The following SYT1 variants were observed in gnomAD, a reference collection of about 807,000 sequenced individuals.
The protein encoded by SYT1 is synaptotagmin-1.
In SYT1, 8 loss-of-function variants were observed where a neutral mutation model predicts 44.8. The observed-to-expected ratio is 0.18, with a 90% CI of 0.10 to 0.32. The LOEUF is 0.32. Among genes scored for constraint, SYT1 ranks in the 10% least tolerant of loss-of-function variants. The probability of loss-of-function intolerance (pLI) is 1.00; values close to 1 mark genes in which losing one functional copy is unlikely to be tolerated. For synonymous variants in SYT1, 154 were observed against 188.8 expected, an observed-to-expected ratio of 0.82 and a Z score of 1.51; for missense variants, 286 against 509.3, an observed-to-expected ratio of 0.56 and a Z score of 4.22.
chr12:79,356,640 G>C (rs1883124209), intron 9 of SYT1, among the ~76,000 whole-genome samples: 1 of 152,178 alleles, frequency 6.6e-6, no homozygotes, highest in Admixed American at 6.5e-5. Context: ...GAAATGACTA[G>C]TTAATTGGAA....
At chr12:78,931,745 G>T (rs919143494) in intron 1 of SYT1, among the ~76,000 whole-genome samples, 13 of 152,182 alleles carry the variant, frequency 8.5e-5, no homozygotes, top group African/African-American at 2.9e-4. Context: ...CAATAGAGAT[G>T]AGCCAATTTA....
intron 9 of SYT1, among the ~76,000 whole-genome samples, chr12:79,370,488 C>G (rs1378242172): frequency 6.6e-6 from 1 of 152,048 alleles, no homozygotes; most frequent in Non-Finnish European, 1.5e-5. Flanking sequence ...TAGGGCCGGG[C>G]GCGGTGGCTC....
intron 3 of SYT1, among the ~76,000 whole-genome samples, chr12:79,131,009 A>AT (rs1420956770): frequency 6.6e-6 from 1 of 151,906 alleles, no homozygotes; most frequent in Non-Finnish European, 1.5e-5. Context: ...CATTACAACC[A>AT]TTTTTTGAGT....
At chr12:79,302,236 T>C (rs1880186158) in intron 8 of SYT1, among the ~76,000 whole-genome samples, 1 of 152,128 alleles carries the variant, frequency 6.6e-6, no homozygotes, top group African/African-American at 2.4e-5. Context: ...ATGAAAGATA[T>C]CAAAGAAAGT....
At chr12:79,045,470 CT>C (rs1488996601) in intron 2 of SYT1, 2 of 155,268 alleles carry the variant, frequency 1.3e-5, no homozygotes, top group Non-Finnish European at 2.8e-5. Context: ...TGCCTCGCCC[CT>C]GTTTCGGCTC....
intron 2 of SYT1, among the ~76,000 whole-genome samples, chr12:78,997,193 T>G (rs1870436460): frequency 6.6e-6 from 1 of 152,184 alleles, no homozygotes; most frequent in East Asian, 1.9e-4. Flanking sequence ...TATGAACTAG[T>G]GAATTAGCAA....
intron 8 of SYT1, among the ~76,000 whole-genome samples, chr12:79,308,581 GGA>G (rs1880556548): frequency 1.7e-5 from 2 of 120,066 alleles, no homozygotes; most frequent in Non-Finnish European, 3.5e-5. Context: ...AAGAAAAGAA[GGA>G]AAAGAAAGAA....
intron 8 of SYT1, among the ~76,000 whole-genome samples, chr12:79,333,596 CT>C (rs1881956936): frequency 6.6e-6 from 1 of 151,988 alleles, no homozygotes; most frequent in African/African-American, 2.4e-5. Flanking sequence ...TTTTTTGCAT[CT>C]TTACAAGATT....
intron 1 of SYT1, among the ~76,000 whole-genome samples, chr12:78,945,405 T>C (rs1878598446): frequency 6.6e-6 from 1 of 151,526 alleles, no homozygotes; most frequent in Admixed American, 6.6e-5. Flanking sequence ...TATGCATATG[T>C]TATACATATG....
intron 1 of SYT1, among the ~76,000 whole-genome samples, chr12:78,972,247 C>T (rs763580109): frequency 6.6e-6 from 1 of 151,844 alleles, no homozygotes; most frequent in Admixed American, 6.6e-5. Context: ...TGTAATTATT[C>T]CTTAAATATT....
chr12:79,402,764 C>T (rs1452152575), intron 9 of SYT1, among the ~76,000 whole-genome samples: 1 of 152,174 alleles, frequency 6.6e-6, no homozygotes, highest in Non-Finnish European at 1.5e-5. Context: ...CCATATCCAT[C>T]CATACTGACA....
At chr12:79,008,936 T>G (rs1871254310) in intron 2 of SYT1, among the ~76,000 whole-genome samples, 1 of 152,106 alleles carries the variant, frequency 6.6e-6, no homozygotes, top group Admixed American at 6.6e-5. Context: ...TCAAGAACAA[T>G]TTTCTTCTAT....
chr12:79,370,622 G>C (rs1171875388), intron 9 of SYT1, among the ~76,000 whole-genome samples: 1 of 152,104 alleles, frequency 6.6e-6, no homozygotes. Context: ...ATTTAGCCGG[G>C]CATGGTGACG....
Position 78,931,400 on chromosome 12 carries a change from GGAGAGAGGAAGGA to G in SYT1, c.-216-46398_-216-46386del, listed in dbSNP as rs1242571917. Among the ~76,000 whole-genome samples the G allele has an allele frequency of 4.4e-4, 52 of 118,474 alleles. 1 individual carries two copies. Among genetic ancestry groups the G allele is most frequent in the African/African-American group, 1.7e-3 (49 of 28,270 alleles). 77.7% of individuals were successfully genotyped at this position (118,474 alleles called of 152,430 possible). ...AGGAAGGAAGGAAGGAAGGAAGGGA[GGAGAGAGGAAGGA>G]AGGAAGGAAGGAAGGAAGGAAAAGA... On this transcript the variant is annotated intron_variant, in intron 1 of 10. Coordinates refer to ENST00000261205, the MANE Select transcript of SYT1 (RefSeq NM_005639.3).
chr12:78,904,058 A>G (rs1179916877), intron 1 of SYT1, among the ~76,000 whole-genome samples: 1 of 152,020 alleles, frequency 6.6e-6, no homozygotes, highest in Non-Finnish European at 1.5e-5. Context: ...TTAAACAGCT[A>G]TATATCATAA....
At chr12:79,181,500 T>C (rs1872541238) in intron 3 of SYT1, among the ~76,000 whole-genome samples, 1 of 152,024 alleles carries the variant, frequency 6.6e-6, no homozygotes, top group Non-Finnish European at 1.5e-5. Context: ...AAATACAATC[T>C]TCTCTCCCTT....
At chr12:79,233,834 A>C (rs1316241132) in intron 4 of SYT1, among the ~76,000 whole-genome samples, 1 of 152,250 alleles carries the variant, frequency 6.6e-6, no homozygotes, top group Admixed American at 6.5e-5. Context: ...TGAGCCCTGC[A>C]TAATTTTACC....
chr12:79,278,322 C>T (rs569103285), intron 4 of SYT1, among the ~76,000 whole-genome samples: 103 of 152,060 alleles, frequency 6.8e-4, no homozygotes, highest in Non-Finnish European at 9.6e-4. Flanking sequence ...TCTTCTCAGA[C>T]CACAGCAGAA....
intron 8 of SYT1, among the ~76,000 whole-genome samples, chr12:79,346,160 C>T (rs986327250): frequency 2.0e-5 from 3 of 152,136 alleles, no homozygotes; most frequent in Non-Finnish European, 2.9e-5. Context: ...ATGTATGGGG[C>T]TACAGAGCCA....
Sources: gnomAD v4.1 joint callset for allele counts (sites outside exome capture counted in the v4.1 genomes callset) on GRCh38, gnomAD v4.1.1 for gene constraint, MANE v1.5 for transcripts, NCBI Gene and HGNC (gene_info 2026-07-23, HGNC 2026-07-21) for gene names.